RGS12: variants seen among roughly 807,000 people sequenced by gnomAD.
RGS12 encodes regulator of G-protein signaling 12.
In RGS12, 66 loss-of-function variants were observed where a neutral mutation model predicts 120.1. That is an observed-to-expected ratio of 0.55 (90% CI 0.45 to 0.67). RGS12 has a LOEUF of 0.67. RGS12 is among the 30% of genes least tolerant of loss of function. The pLI, the probability that RGS12 is intolerant of heterozygous loss-of-function variation, is 0.00. For synonymous variants in RGS12, 827 were observed against 804.7 expected (o/e 1.03, Z -0.47); for missense variants, 1,859 against 1,957.7 (o/e 0.95, Z 0.95).
chr4:3,431,691 G>T, intron 17 of RGS12: 1 of 985,710 alleles, frequency 1.0e-6, no homozygotes, highest in Non-Finnish European at 1.2e-6. Flanking sequence ...GGGTCCGAGG[G>T]CCGTGGCCTG....
chr4:3,363,392 A>G (rs1715925850), intron 3 of RGS12, among the ~76,000 whole-genome samples: 1 of 152,130 alleles, frequency 6.6e-6, no homozygotes, highest in African/African-American at 2.4e-5. Flanking sequence ...AGCTTGGCTC[A>G]TGCTCTGTTT....
At chr4:3,368,614 G>A (rs1158231603) in intron 3 of RGS12, among the ~76,000 whole-genome samples, 1 of 122,274 alleles carries the variant, frequency 8.2e-6, no homozygotes, top group Non-Finnish European at 1.7e-5. Flanking sequence ...GGGTACCTGT[G>A]TGTGGGGGGG....
chr4:3,421,118 A>G (rs901280094), intron 10 of RGS12, among the ~76,000 whole-genome samples: 2 of 152,086 alleles, frequency 1.3e-5, no homozygotes, highest in African/African-American at 2.4e-5. Flanking sequence ...CCACTCCCAC[A>G]CTGCAGGATT....
In RGS12 at chr4:3,374,235, C is replaced by T. The variant is rs551341209; in HGVS notation, c.1999-12181C>T. Among the ~76,000 whole-genome samples the T allele has an allele frequency of 3.8e-3, 575 of 152,366 alleles. 4 individuals are homozygous for T. The highest frequency in any genetic ancestry group is 0.013 in the African/African-American group (556 of 41,596). ...GCCCTCCGCAGACAGCAGGAGCTGC[C>T]GAGCTCCGAGTGCTGGGCCAGCTTG... On this transcript the variant is annotated intron_variant, in intron 3 of 17. Coordinates refer to ENST00000336727, the MANE Select transcript of RGS12 (RefSeq NM_001394154.1). The surrounding 1 kb of genome is among the most constrained non-coding windows in gnomAD (Gnocchi z 6.3).
chr4:3,343,538 G>A (rs371318928), intron 3 of RGS12, among the ~76,000 whole-genome samples: 1 of 152,020 alleles, frequency 6.6e-6, no homozygotes, highest in Non-Finnish European at 1.5e-5. Context: ...AAAATGCGCC[G>A]TCGGGATCAT....
At chr4:3,330,070 C>T (rs1711665393) in intron 2 of RGS12, among the ~76,000 whole-genome samples, 1 of 152,214 alleles carries the variant, frequency 6.6e-6, no homozygotes. Flanking sequence ...TGAGGATGTG[C>T]TCTGGCCCAG....
At chr4:3,381,171 A>C (rs1489916224) in intron 3 of RGS12, among the ~76,000 whole-genome samples, 1 of 152,160 alleles carries the variant, frequency 6.6e-6, no homozygotes, top group East Asian at 1.9e-4. Context: ...TCTACTTCCC[A>C]ACAAGTTCCT....
rs1716783418 is a variant in RGS12, at chr4:3,369,899, T to C, written c.1999-16517T>C. On this transcript the variant is annotated intron_variant, in intron 3 of 17. Transcript: ENST00000336727. ...GGCTTAGAATAGATTCATTGGCAGC[T>C]GTAATTAAGGTTGTGAACTGCACCA... The C allele has an allele frequency of 1.3e-5, 6 of 460,804 alleles. No homozygotes were observed. In the Admixed American group the frequency reaches 1.7e-4, roughly 13 times the overall value. 28.5% of individuals were successfully genotyped at this position (460,804 alleles called of 1,614,324 possible). A position where few individuals can be genotyped will look rare whatever the true frequency, so the allele number is the denominator to read the frequency against.
chr4:3,403,880 A>G (rs1720844219), intron 4 of RGS12, among the ~76,000 whole-genome samples: 1 of 152,150 alleles, frequency 6.6e-6, no homozygotes, highest in South Asian at 2.1e-4. Context: ...CTGAGACCCA[A>G]AGGGGGCTAT....
intron 1 of RGS12, among the ~76,000 whole-genome samples, chr4:3,296,391 T>A (rs1436491265): frequency 6.6e-6 from 1 of 151,946 alleles, no homozygotes; most frequent in Non-Finnish European, 1.5e-5. Context: ...GGTCTCACTA[T>A]GTTGCCCAGG....
At chr4:3,384,180 A>G (rs1371631247) in intron 3 of RGS12, among the ~76,000 whole-genome samples, 3 of 152,146 alleles carry the variant, frequency 2.0e-5, no homozygotes, top group African/African-American at 7.2e-5. Context: ...TTTAAGACGG[A>G]GTCTCACTCT....
At chr4:3,329,993 C>A (rs752765095) in intron 2 of RGS12, among the ~76,000 whole-genome samples, 12 of 152,160 alleles carry the variant, frequency 7.9e-5, no homozygotes, top group Non-Finnish European at 1.5e-4. Context: ...CACATGTAAT[C>A]GTGAGGCTTT....
chr4:3,318,567 G>A (rs1724964835), intron 2 of RGS12, among the ~76,000 whole-genome samples: 1 of 152,216 alleles, frequency 6.6e-6, no homozygotes, highest in Non-Finnish European at 1.5e-5. Context: ...CTCCGCAGTG[G>A]GCCTGGGGAG....
chr4:3,287,453 C>A, the RGS12 span, among the ~76,000 whole-genome samples: 1 of 152,330 alleles, frequency 6.6e-6, no homozygotes, highest in African/African-American at 2.4e-5. Context: ...CAAGAAGAGA[C>A]ATTTCAAAGC....
chr4:3,420,809 AC>A, intron 10 of RGS12, 91 bp downstream of exon 10: 1 of 1,130,980 alleles, frequency 8.8e-7, no homozygotes, highest in East Asian at 2.5e-5. Flanking sequence ...ACCTGTGTTT[AC>A]AAAACTCAGC....
Position 3,416,089 on chromosome 4 carries a change from C to G in RGS12, c.2395C>G (p.His799Asp), listed in dbSNP as rs1412535413. The change falls in exon 7 of 18, where the codon CAC (histidine) becomes GAC (aspartate). Residue 799 changes from histidine to aspartate, a missense_variant. Coordinates refer to ENST00000336727, the MANE Select transcript of RGS12 (RefSeq NM_001394154.1). ...AGCAGACGACGTCCTCCGCGCACCT[C>G]ACCCAGACATGTTCAAGGAGCAGCA... is the stretch of plus-strand genomic sequence containing the variant. ...QLADDVLRAPHPDMFKEQQLQ... is the reference protein window; with the variant it reads ...QLADDVLRAPDPDMFKEQQLQ... The G allele has an allele frequency of 6.2e-7, 1 of 1,614,134 alleles. No homozygotes were observed. The highest frequency in any genetic ancestry group is 1.1e-5 in the South Asian group (1 of 91,074).
At chr4:3,380,784 C>T (rs1169825337) in intron 3 of RGS12, among the ~76,000 whole-genome samples, 1 of 152,162 alleles carries the variant, frequency 6.6e-6, no homozygotes, top group African/African-American at 2.4e-5. Context: ...TTGGGTCCAG[C>T]CCAGGAAACA....
intron 4 of RGS12, chr4:3,407,286 G>C (rs936411408): frequency 2.6e-5 from 4 of 152,244 alleles, no homozygotes; most frequent in African/African-American, 9.6e-5. Flanking sequence ...CTTCGGCAAG[G>C]CTTCGTGCGA....
chr4:3,296,233 AG>A (rs1329243436), intron 1 of RGS12, among the ~76,000 whole-genome samples: 1 of 152,176 alleles, frequency 6.6e-6, no homozygotes, highest in East Asian at 1.9e-4. Flanking sequence ...GCCCAGGTGG[AG>A]TGCGGTGGCA....
Sources: gnomAD v4.1 joint callset for allele counts (sites outside exome capture counted in the v4.1 genomes callset) on GRCh38, gnomAD v4.1.1 for gene constraint, Gnocchi (gnomAD v3.1) non-coding constraint, MANE v1.5 for transcripts, NCBI Gene and HGNC (gene_info 2026-07-23, HGNC 2026-07-21) for gene names.